TLL2: variants seen among roughly 807,000 people sequenced by gnomAD.
TLL2 encodes the protein tolloid-like protein 2.
TLL2 carries 106 observed loss-of-function variants against 123.0 expected under a neutral mutation model. The observed-to-expected ratio is 0.86, with a 90% CI of 0.74 to 1.01. The LOEUF (loss-of-function observed/expected upper bound fraction) is 1.01, where lower values mean the gene tolerates loss of function less well. Among genes scored for constraint, TLL2 ranks in the 50% least tolerant of loss-of-function variants. The pLI, the probability that TLL2 is intolerant of heterozygous loss-of-function variation, is 0.00. For synonymous variants in TLL2, 494 were observed against 516.8 expected (o/e 0.96, Z 0.60); for missense variants, 1,332 against 1,336.7 (o/e 1.00, Z 0.06).
chr10:96,502,240 G>C lies in TLL2; in HGVS notation c.175+11271C>G, dbSNP rs150602204. The stretch of plus-strand genomic sequence containing the variant: ...GAGTCATAGGGACAAGCAATGACCA[G>C]AGCACCCCGGGGCCTGCTGATTGCT... On this transcript the variant is annotated intron_variant, in intron 1 of 20. Coordinates refer to ENST00000357947, the MANE Select transcript of TLL2 (RefSeq NM_012465.4). Among the ~76,000 whole-genome samples the C allele has an allele frequency of 3.2e-3, 486 of 152,298 alleles. 3 individuals carry two copies. Among genetic ancestry groups the C allele is most frequent in the African/African-American group, 0.011 (464 of 41,554 alleles).
At chr10:96,459,427 C>T (rs1252383924) in intron 2 of TLL2, among the ~76,000 whole-genome samples, 2 of 151,296 alleles carry the variant, frequency 1.3e-5, no homozygotes, top group African/African-American at 4.9e-5. Context: ...ACCTGTAATC[C>T]CAGAACTTTG....
At chr10:96,412,992 C>A (rs1484290503) in intron 8 of TLL2, among the ~76,000 whole-genome samples, 200 bp downstream of exon 8, 1 of 152,192 alleles carries the variant, frequency 6.6e-6, no homozygotes, top group African/African-American at 2.4e-5. Flanking sequence ...GACTCTAAGA[C>A]CTATTATTCT....
intron 3 of TLL2, among the ~76,000 whole-genome samples, chr10:96,442,159 G>A (rs948363925): frequency 1.3e-5 from 2 of 152,292 alleles, no homozygotes; most frequent in Middle Eastern, 6.8e-3. Context: ...CGGAGGGGAT[G>A]TTGAGTGAGC....
intron 2 of TLL2, among the ~76,000 whole-genome samples, chr10:96,464,812 C>T (rs1847112679): frequency 6.6e-6 from 1 of 152,098 alleles, no homozygotes; most frequent in Admixed American, 6.5e-5. Context: ...TAAATATACC[C>T]CAAAATAAAG....
intron 17 of TLL2, among the ~76,000 whole-genome samples, chr10:96,377,640 C>T (rs904073499): frequency 9.9e-5 from 15 of 152,190 alleles, no homozygotes; most frequent in African/African-American, 2.9e-4. Flanking sequence ...TTAGAAAGCA[C>T]GGTGGACTGT....
chr10:96,443,691 T>C (rs1846869862), intron 3 of TLL2, among the ~76,000 whole-genome samples: 1 of 152,262 alleles, frequency 6.6e-6, no homozygotes, highest in Non-Finnish European at 1.5e-5. Flanking sequence ...TCTTTGTCAC[T>C]GCAGTGTGAT....
At chr10:96,476,248 T>TTTTTTTTTTTTTTTTTTTTTTGTTG (rs1285354320) in intron 2 of TLL2, among the ~76,000 whole-genome samples, 3 of 69,228 alleles carry the variant, frequency 4.3e-5, no homozygotes, top group African/African-American at 6.2e-5. Context: ...ATATTTTATT[T>TTTTTTTTTTTTTTTTTTTTTTGTTG]TTGTTGTTGT....
intron 13 of TLL2, among the ~76,000 whole-genome samples, chr10:96,387,916 A>G (rs1004573234): frequency 2.6e-5 from 4 of 152,246 alleles, no homozygotes; most frequent in African/African-American, 7.2e-5. Flanking sequence ...GTTGCCAGCC[A>G]TAGTACATCT....
Position 96,395,996 on chromosome 10 carries a change from T to C in TLL2, c.1409A>G (p.Lys470Arg). ...GGGAGATTGAATCTGACCGGCATCT[T>C]TGTTCATGTCTCCCCCGCAGGTAGC... ...YEATCGGDMN[K>R]DAGQIQSPNY... is the part of the protein sequence containing the mutation. Residue 470 changes from lysine to arginine, a missense_variant, in exon 12 of 21, where the codon AAA (lysine) becomes AGA (arginine). Physicochemically the swap from Lys to Arg is conservative, Grantham distance 26. Coordinates refer to ENST00000357947, the MANE Select transcript of TLL2 (RefSeq NM_012465.4). 1 of 1,614,122 alleles carries C rather than the reference T, an allele frequency of 6.2e-7. No homozygotes were observed. The highest frequency in any genetic ancestry group is 8.5e-7 in the Non-Finnish European group (1 of 1,180,016).
At position 96,395,372 on chromosome 10, in the gene TLL2, T is replaced by C. The variant is rs768194424; in HGVS notation, c.1541A>G (p.His514Arg). ...LTFQAFEIER[H>R]DSCAYDYLEV... The stretch of plus-strand genomic sequence containing the variant: ...CAGGTAGTCATATGCACAGCTGTCG[T>C]GCCTTTCAATCTAAAGGAAGAAACA... The change falls in exon 13 of 21, where the codon CAC (histidine) becomes CGC (arginine). Residue 514 changes from histidine to arginine, a missense_variant. Transcript: ENST00000357947. 6.3e-6 allele frequency: 10 copies of C among 1,590,000 alleles called. No homozygotes were observed. In the East Asian group the frequency reaches 2.0e-4, roughly 32 times the overall value.
At chr10:96,380,945 C>A (rs1432175353) in intron 16 of TLL2, among the ~76,000 whole-genome samples, 3 of 151,602 alleles carry the variant, frequency 2.0e-5, no homozygotes, top group African/African-American at 7.3e-5. Context: ...CCATTGCACT[C>A]CAGCCTGGGC....
intron 7 of TLL2, among the ~76,000 whole-genome samples, chr10:96,418,030 T>C (rs981353826): frequency 5.9e-5 from 9 of 152,238 alleles, no homozygotes; most frequent in African/African-American, 1.9e-4. Flanking sequence ...CCCATCCTCC[T>C]GTGTGCTGCC....
At chr10:96,444,197 A>G (rs2134086366) in intron 3 of TLL2, among the ~76,000 whole-genome samples, 1 of 152,374 alleles carries the variant, frequency 6.6e-6, no homozygotes, top group South Asian at 2.1e-4. Flanking sequence ...TGCTATGGAA[A>G]TGTGAATTGT....
chr10:96,428,779 ATGATG>A (rs1846705746), intron 4 of TLL2, 31 bp from the exon 5 acceptor site: 1 of 1,381,766 alleles, frequency 7.2e-7, no homozygotes, highest in Non-Finnish European at 1.0e-6. Context: ...CTCGACTTCA[ATGATG>A]GGTCCATATT....
chr10:96,393,840 C>T lies in TLL2; in HGVS notation c.1726+1347G>A, dbSNP rs543997643. Among the ~76,000 whole-genome samples the T allele has an allele frequency of 9.2e-5, 14 of 152,016 alleles. No individual in the cohort carries two copies. In the South Asian group the frequency reaches 2.3e-3, roughly 25 times the overall value. On this transcript the variant is annotated intron_variant, in intron 13 of 20. Coordinates refer to ENST00000357947, the MANE Select transcript of TLL2 (RefSeq NM_012465.4). ...CTGCTGTTTGGGTTTTGCTCTTCCC[C>T]GATACCTCAAAATAGGAAAAAATAA...
Position 96,384,626 on chromosome 10 carries a change from T to G in TLL2, c.2155A>C (p.Thr719Pro). The G allele has an allele frequency of 6.2e-7, 1 of 1,606,930 alleles. No homozygotes were observed. Among genetic ancestry groups the G allele is most frequent in the Non-Finnish European group, 8.5e-7 (1 of 1,175,168 alleles). ...NMRVEFKSDN[T>P]VSKRGFRAHF... ...GCCCTGAAGCCGCGCTTGGAGACGG[T>G]GTTGTCGGACTTGAACTCCACGCGC... The change falls in exon 16 of 21, where the codon ACC becomes CCC. Residue 719 changes from threonine to proline, a missense_variant. Physicochemically the swap from Thr to Pro is conservative, Grantham distance 38 (BLOSUM62 -1). Transcript: ENST00000357947.
chr10:96,510,449 T>C (rs1847618004), intron 1 of TLL2, among the ~76,000 whole-genome samples: 1 of 152,236 alleles, frequency 6.6e-6, no homozygotes, highest in African/African-American at 2.4e-5. Context: ...AAATAGATTG[T>C]CTATTAGCAA....
At chr10:96,499,143 G>T (rs182178089) in intron 1 of TLL2, among the ~76,000 whole-genome samples, 145 of 152,286 alleles carry the variant, frequency 9.5e-4, no homozygotes, top group African/African-American at 3.4e-3. Flanking sequence ...TGCTCTTCCT[G>T]GTTCCAGTGG....
chr10:96,371,908 C>T (rs1403784969), intron 19 of TLL2, among the ~76,000 whole-genome samples: 1 of 152,200 alleles, frequency 6.6e-6, no homozygotes, highest in Non-Finnish European at 1.5e-5. Context: ...TGCATGCAGT[C>T]CTCTCTGTCT....
Sources: gnomAD v4.1 joint callset for allele counts (sites outside exome capture counted in the v4.1 genomes callset) on GRCh38, gnomAD v4.1.1 for gene constraint, MANE v1.5 for transcripts, NCBI Gene and HGNC (gene_info 2026-07-23, HGNC 2026-07-21) for gene names.